RANBP9: variants seen among roughly 807,000 people sequenced by gnomAD.
RANBP9 encodes the protein RAN binding protein 9.
RANBP9 carries 15 observed loss-of-function variants against 84.3 expected under a neutral mutation model. That is an observed-to-expected ratio of 0.18 (90% CI 0.12 to 0.27). RANBP9 has a LOEUF of 0.27. Among genes scored for constraint, RANBP9 ranks in the 10% least tolerant of loss-of-function variants. The pLI is 1.00. For synonymous variants in RANBP9, 392 were observed against 349.6 expected (o/e 1.12, Z -1.35); for missense variants, 809 against 912.8 (o/e 0.89, Z 1.46).
rs879583626 is a variant in RANBP9 at position 13,677,644 on chromosome 6, T to TAA, written c.684-18814_684-18813dup. 6.8e-3 allele frequency among the ~76,000 whole-genome samples: 1,038 copies of TAA among 152,336 alleles called. 11 individuals carry two copies. Among genetic ancestry groups the TAA allele is most frequent in the African/African-American group, 0.022 (917 of 41,592 alleles). On this transcript the variant is annotated intron_variant, in intron 2 of 13. Coordinates refer to ENST00000011619, the MANE Select transcript of RANBP9 (RefSeq NM_005493.3). ...TTAAGAAACTCAGGGCACTTGTCTATAATTCACAAGTTACCAATCTTAAAC... is the reference window on the plus strand; with the variant it reads ...TTAAGAAACTCAGGGCACTTGTCTATAAAATTCACAAGTTACCAATCTTAAAC...
chr6:13,679,057 A>T (rs1027066177), intron 2 of RANBP9, among the ~76,000 whole-genome samples: 5 of 150,528 alleles, frequency 3.3e-5, no homozygotes, highest in African/African-American at 1.2e-4. Context: ...TGCTGTGATT[A>T]AAAAAAAAAT....
At chr6:13,633,357 G>T (rs2127762130) in intron 11 of RANBP9, among the ~76,000 whole-genome samples, 1 of 152,214 alleles carries the variant, frequency 6.6e-6, no homozygotes, top group East Asian at 1.9e-4. Context: ...TATATATCTT[G>T]ATTGATAAAA....
rs182024651 is a variant in RANBP9, at chr6:13,673,817, G to A, written c.684-14985C>T. ...TAAAATCAGACAATGGGCTAGGCAC[G>A]TAGCTCATGCCTGTAATCCCTTCAG... On this transcript the variant is annotated intron_variant, in intron 2 of 13. Transcript: ENST00000011619. Among the ~76,000 whole-genome samples the A allele has an allele frequency of 1.3e-3, 195 of 152,252 alleles. 2 individuals are homozygous for A. The highest frequency in any genetic ancestry group is 4.3e-3 in the African/African-American group (179 of 41,536).
At position 13,657,644 on chromosome 6, in the gene RANBP9, A is replaced by C. The variant is rs138836698; in HGVS notation, c.737-368T>G. Among the ~76,000 whole-genome samples, 661 of 152,338 alleles carry C rather than the reference A, an allele frequency of 4.3e-3. 4 individuals carry two copies. The highest frequency in any genetic ancestry group is 0.015 in the African/African-American group (629 of 41,590). On this transcript the variant is annotated intron_variant, in intron 3 of 13. Transcript: ENST00000011619. ...GAAACACATACACGTTTTATATAACATAAGAGATTACATCCTATTCAATCA... is the reference window on the plus strand; with the variant it reads ...GAAACACATACACGTTTTATATAACCTAAGAGATTACATCCTATTCAATCA...
intron 12 of RANBP9, among the ~76,000 whole-genome samples, 178 bp downstream of exon 12, chr6:13,632,192 T>C (rs1434431992): frequency 7.5e-6 from 1 of 132,524 alleles, no homozygotes; most frequent in Non-Finnish European, 1.6e-5. Flanking sequence ...CTCTTTCCAG[T>C]AGATCAGAAC....
chr6:13,690,352 A>G (rs1268969145), intron 2 of RANBP9, among the ~76,000 whole-genome samples: 2 of 152,244 alleles, frequency 1.3e-5, no homozygotes, highest in African/African-American at 4.8e-5. Context: ...CTCTTTGTTC[A>G]CATTTACCCT....
intron 10 of RANBP9, 150 bp from the exon 11 acceptor site, chr6:13,634,702 C>T (rs1208327301): frequency 1.2e-5 from 10 of 845,478 alleles, no homozygotes; most frequent in East Asian, 2.8e-5. Flanking sequence ...AAATCTTGAA[C>T]GTATTCAAAG....
intron 12 of RANBP9, among the ~76,000 whole-genome samples, chr6:13,630,019 C>T (rs982250348): frequency 1.3e-5 from 2 of 151,694 alleles, no homozygotes; most frequent in African/African-American, 4.8e-5. Context: ...TTAAAAAATG[C>T]TACAATTACA....
chr6:13,661,044 A>G (rs920918511), intron 2 of RANBP9, among the ~76,000 whole-genome samples: 2 of 152,236 alleles, frequency 1.3e-5, no homozygotes, highest in African/African-American at 2.4e-5. Context: ...AAAATGTTCC[A>G]TAAGAGGAGT....
chr6:13,682,082 G>A (rs1016331087), intron 2 of RANBP9, among the ~76,000 whole-genome samples: 3 of 151,878 alleles, frequency 2.0e-5, no homozygotes, highest in Non-Finnish European at 4.4e-5. Flanking sequence ...GGCTGGTCTC[G>A]AACTCCTGAC....
chr6:13,686,345 G>T (rs1270743649), intron 2 of RANBP9, among the ~76,000 whole-genome samples: 1 of 151,642 alleles, frequency 6.6e-6, no homozygotes, highest in Non-Finnish European at 1.5e-5. Flanking sequence ...GAGTGCAGCG[G>T]CGCGATCTTG....
At chr6:13,623,054 T>G (rs1764499041) in intron 13 of RANBP9, among the ~76,000 whole-genome samples, 2 of 152,116 alleles carry the variant, frequency 1.3e-5, no homozygotes, top group Admixed American at 1.3e-4. Flanking sequence ...GTTTTGGAGG[T>G]GCTAATTTAC....
intron 2 of RANBP9, among the ~76,000 whole-genome samples, chr6:13,666,599 CCAAAAAA>C (rs1168546238): frequency 1.1e-4 from 4 of 35,412 alleles, no homozygotes; most frequent in African/African-American, 4.4e-4. Flanking sequence ...CCCCGTCTCT[CCAAAAAA>C]AAAAAAAAAA....
chr6:13,685,939 A>AT, intron 2 of RANBP9, among the ~76,000 whole-genome samples: 1 of 152,230 alleles, frequency 6.6e-6, no homozygotes, highest in African/African-American at 2.4e-5. Flanking sequence ...CAAAAAAAAA[A>AT]AAAAGAGTAT....
intron 1 of RANBP9, among the ~76,000 whole-genome samples, chr6:13,707,996 C>T (rs900675544): frequency 2.6e-5 from 4 of 152,184 alleles, no homozygotes; most frequent in Non-Finnish European, 4.4e-5. Context: ...ACTATACATA[C>T]CCTGTTGTTC....
At chr6:13,639,448 G>T in intron 9 of RANBP9, 115 bp downstream of exon 9, 1 of 1,169,692 alleles carries the variant, frequency 8.5e-7, no homozygotes. Flanking sequence ...AAAGTGCTGG[G>T]ATTACAAGCG....
intron 2 of RANBP9, among the ~76,000 whole-genome samples, chr6:13,669,657 C>T (rs1765729035): frequency 6.6e-6 from 1 of 152,168 alleles, no homozygotes; most frequent in African/African-American, 2.4e-5. Flanking sequence ...GTGGCATGAC[C>T]ACAGCTTACT....
In RANBP9 at chr6:13,700,449, T is replaced by TAC. The variant is rs1757940540; in HGVS notation, c.572-3554_572-3553insGT. Among the ~76,000 whole-genome samples the TAC allele has an allele frequency of 4.0e-5, 6 of 151,538 alleles. No homozygotes were observed. The South Asian group carries it at 1.3e-3, about 32-fold the overall frequency. On this transcript the variant is annotated intron_variant, in intron 1 of 13. Coordinates refer to ENST00000011619, the MANE Select transcript of RANBP9 (RefSeq NM_005493.3). ...TCTTCACATTGATCAGGCCAGTCTG[T>TAC]AAACATGCTATTCCCTCCACCTTTC...
At position 13,622,281 on chromosome 6, in the gene RANBP9, T is replaced by C. The variant is rs1014072576; in HGVS notation, c.*81A>G. The C allele has an allele frequency of 3.0e-6, 4 of 1,324,052 alleles. No homozygotes were observed. Among genetic ancestry groups the C allele is most frequent in the Admixed American group, 2.9e-5 (1 of 34,974 alleles). The allele number at this position is 1,324,052 out of a possible 1,614,324, so 82.0% of individuals were successfully genotyped here. Reference sequence around the variant, plus strand: ...TCCCCAGTACATAATTTAAAAAATCTAAATTTCAAATCAGCAGAGCTGGTC... The same window carrying C: ...TCCCCAGTACATAATTTAAAAAATCCAAATTTCAAATCAGCAGAGCTGGTC... On this transcript the variant is annotated 3_prime_UTR_variant, in exon 14 of 14. Transcript: ENST00000011619.
Sources: allele counts gnomAD v4.1 joint callset (sites outside exome capture counted in the v4.1 genomes callset), GRCh38; gene constraint gnomAD v4.1.1; transcripts MANE v1.5; gene names NCBI Gene and HGNC (gene_info 2026-07-23, HGNC 2026-07-21).